The following HIC2 variants were observed in gnomAD, a reference collection of about 807,000 sequenced individuals.
HIC2 encodes HIC ZBTB transcriptional repressor 2.
In HIC2, 2 loss-of-function variants were observed where a neutral mutation model predicts 39.5. That is an observed-to-expected ratio of 0.05 (90% CI 0.02 to 0.16). The LOEUF (loss-of-function observed/expected upper bound fraction) is 0.16, where lower values mean the gene tolerates loss of function less well. HIC2 is among the 10% of genes least tolerant of loss of function. HIC2 has a pLI of 1.00. For synonymous variants in HIC2, 399 were observed against 368.8 expected (o/e 1.08, Z -0.94); for missense variants, 713 against 863.5 (o/e 0.83, Z 2.18).
Position 21,446,343 on chromosome 22 carries a change from G to A in HIC2, c.1448G>A (p.Gly483Asp). ...EEGAYETGSG[G>D]AEEEAEDLSA... ...GGGGCCTACGAGACAGGCAGTGGGG[G>A]TGCCGAGGAGGAGGCCGAGGACCTG... The change falls in exon 3 of 3, where the codon GGT becomes GAT. Residue 483 changes from glycine to aspartate, a missense_variant. Around this residue, in one of 5 missense-constraint regions of HIC2, gnomAD observed 103 missense variants for 103.4 expected, o/e 1.00. Transcript: ENST00000407464. 1 of 1,613,100 alleles carries A rather than the reference G, an allele frequency of 6.2e-7. No homozygotes were observed. Among genetic ancestry groups the A allele is most frequent in the South Asian group, 1.1e-5 (1 of 91,086 alleles).
rs567794862 is a variant in HIC2, at chr22:21,446,051, G to A, written c.1156G>A (p.Gly386Arg). ...GILASGAGPSGPYGEPPYPCK... is the reference protein window; with the variant it reads ...GILASGAGPSRPYGEPPYPCK... ...CCTGGCTAGTGGGGCTGGCCCTAGC[G>A]GGCCCTATGGGGAGCCCCCCTACCC... The change falls in exon 3 of 3, where the codon GGG (glycine) becomes AGG (arginine). Residue 386 changes from glycine to arginine, a missense_variant. Coordinates refer to ENST00000407464, the MANE Select transcript of HIC2 (RefSeq NM_015094.3). The A allele has an allele frequency of 1.1e-4, 176 of 1,603,636 alleles. 2 individuals are homozygous for A. The South Asian group carries it at 1.9e-3, about 17-fold the overall frequency.
Position 21,446,760 on chromosome 22 carries a change from G to A in HIC2, c.*17G>A. 4 of 1,582,266 alleles carry A rather than the reference G, an allele frequency of 2.5e-6. No homozygotes were observed. The highest frequency in any genetic ancestry group is 3.4e-6 in the Non-Finnish European group (4 of 1,160,834). On this transcript the variant is annotated 3_prime_UTR_variant, in exon 3 of 3. Transcript: ENST00000407464. ...CCCTCCTAGAAGCCAAAGACCCGCG[G>A]GCGCCCTCTGCCACCTTGCTCCCCG...
In HIC2 at chr22:21,432,748, A is replaced by G. The variant is rs561664031; in HGVS notation, c.-73-10011A>G. Reference sequence around the variant, plus strand: ...AAACATTATCAGGTTTTTATCTTTTAGATAGCAGAGATGAGTCTGCTCTTA... The same window carrying G: ...AAACATTATCAGGTTTTTATCTTTTGGATAGCAGAGATGAGTCTGCTCTTA... On this transcript the variant is annotated intron_variant, in intron 1 of 2. Transcript: ENST00000407464. Among the ~76,000 whole-genome samples the G allele has an allele frequency of 2.7e-3, 369 of 137,532 alleles. 5 individuals are homozygous for G. The highest frequency in any genetic ancestry group is 0.01 in the African/African-American group (353 of 35,216). The allele number at this position is 137,532 out of a possible 152,430, so 90.2% of individuals were successfully genotyped here.
rs201439546 is a variant in HIC2 at position 21,445,469 on chromosome 22, C to T, written c.574C>T (p.Pro192Ser). Reference sequence around the variant, plus strand: ...GGGGGCCCACGCCCCCCAGGAGCTCCCCCAAGCCAAAGGCTCAGACGATGA... The same window carrying T: ...GGGGGCCCACGCCCCCCAGGAGCTCTCCCAAGCCAAAGGCTCAGACGATGA... ...RKGAHAPQEL[P>S]QAKGSDDELF... is the part of the protein sequence containing the mutation. The change falls in exon 3 of 3, where the codon CCC becomes TCC. Residue 192 changes from proline (P) to serine (S), a missense_variant. Transcript: ENST00000407464. 956 of 1,552,698 alleles carry T rather than the reference C, an allele frequency of 6.2e-4. 5 individuals carry two copies. In the African/African-American group the frequency reaches 0.011, roughly 18 times the overall value.
chr22:21,445,754 C>A lies in HIC2; in HGVS notation c.859C>A (p.Pro287Thr). Residue 287 changes from proline to threonine, a missense_variant, in exon 3 of 3, where the codon CCT (proline) becomes ACT (threonine). This residue lies in a region of HIC2 where 457 missense variants were observed against 420.2 expected (regional missense o/e 1.09). Transcript: ENST00000407464. ...TGGCTCGCCCCCTGCGGCCTCTGCT[C>A]CTCCCGTTGCCAACAGTGCCTCTTA... ...QHGSPPAASA[P>T]PVANSASYSE... 1 of 1,610,162 alleles carries A rather than the reference C, an allele frequency of 6.2e-7. No homozygotes were observed.
Position 21,426,029 on chromosome 22 carries a change from TA to T in HIC2, c.-74+8472del, listed in dbSNP as rs1923233154. On this transcript the variant is annotated intron_variant, in intron 1 of 2. Coordinates refer to ENST00000407464, the MANE Select transcript of HIC2 (RefSeq NM_015094.3). Reference sequence around the variant, plus strand: ...CTGGTGTAATTTTGTCTAGTTTTAATAAAGTCTGGGTTTCGCCATGTTGGCC... The same window carrying T: ...CTGGTGTAATTTTGTCTAGTTTTAATAAGTCTGGGTTTCGCCATGTTGGCC... Among the ~76,000 whole-genome samples, 3 of 152,292 alleles carry T rather than the reference TA, an allele frequency of 2.0e-5. No homozygotes were observed. The South Asian group carries it at 6.2e-4, about 32-fold the overall frequency.
Position 21,445,994 on chromosome 22 carries a change from G to C in HIC2, c.1099G>C (p.Glu367Gln). Residue 367 changes from glutamate (E) to glutamine (Q), a missense_variant, in exon 3 of 3, where the codon GAG (glutamate) becomes CAG (glutamine). Coordinates refer to ENST00000407464, the MANE Select transcript of HIC2 (RefSeq NM_015094.3). ...PKGPCPGEEG[E>Q]GVGDRVPNGI... ...GGGTCCCTGCCCGGGAGAGGAGGGT[G>C]AGGGGGTCGGGGACAGGGTTCCCAA... 6.4e-7 allele frequency: 1 copy of C among 1,567,672 alleles called. No homozygotes were observed. Among genetic ancestry groups the C allele is most frequent in the African/African-American group, 1.4e-5 (1 of 73,764 alleles).
Position 21,449,368 on chromosome 22 carries a change from C to T in HIC2, c.*2625C>T, listed in dbSNP as rs1168193674. On this transcript the variant is annotated 3_prime_UTR_variant, in exon 3 of 3. Transcript: ENST00000407464. ...TTAATTCCTGAATGTTTCAGAGAAA[C>T]AGGAATCAGAAAATAGCAGATATCA... The T allele has an allele frequency of 6.6e-6, 1 of 151,282 alleles. No homozygotes were observed. Among genetic ancestry groups the T allele is most frequent in the Non-Finnish European group, 1.5e-5 (1 of 67,800 alleles). 9.4% of individuals were successfully genotyped at this position (151,282 alleles called of 1,614,324 possible).
In HIC2 at chr22:21,445,648, G is replaced by T. The variant is rs372582206; in HGVS notation, c.753G>T (p.Lys251Asn). Reference sequence around the variant, plus strand: ...AGGAGCTGGGCTTGGACCTGTCCAAGAAAAGCCCACCCTTGCCCCCTGCCA... The same window carrying T: ...AGGAGCTGGGCTTGGACCTGTCCAATAAAAGCCCACCCTTGCCCCCTGCCA... ...CEQELGLDLS[K>N]KSPPLPPATP... Residue 251 changes from lysine to asparagine, a missense_variant, in exon 3 of 3, where the codon AAG becomes AAT. Physicochemically the swap from Lys to Asn is moderately conservative, Grantham distance 94 (BLOSUM62 0). Around this residue, in one of 5 missense-constraint regions of HIC2, gnomAD observed 457 missense variants for 420.2 expected, o/e 1.09. Transcript: ENST00000407464. The T allele has an allele frequency of 5.4e-5, 87 of 1,599,992 alleles. No homozygotes were observed. The highest frequency in any genetic ancestry group is 6.5e-5 in the Non-Finnish European group (76 of 1,174,252).
At position 21,445,890 on chromosome 22, in the gene HIC2, A is replaced by T; in HGVS notation, c.995A>T (p.His332Leu). ...PGGQPRKSLR[H>L]STRKKEWGKK... ...GGGCAGCCTCGGAAGAGCCTCCGGC[A>T]CTCCACTCGGAAGAAGGAGTGGGGC... The change falls in exon 3 of 3, where the codon CAC becomes CTC. Residue 332 changes from histidine to leucine, a missense_variant. Coordinates refer to ENST00000407464, the MANE Select transcript of HIC2 (RefSeq NM_015094.3). The T allele has an allele frequency of 6.2e-7, 1 of 1,600,616 alleles. No homozygotes were observed. Among genetic ancestry groups the T allele is most frequent in the Non-Finnish European group, 8.5e-7 (1 of 1,174,668 alleles).
intron 2 of HIC2, 146 bp from the exon 3 acceptor site, chr22:21,444,776 A>T: frequency 2.5e-6 from 2 of 791,380 alleles, no homozygotes; most frequent in South Asian, 3.6e-5. Flanking sequence ...TTGTGGGCTT[A>T]TGTGCCGTGT....
rs1187008570 is a variant in HIC2, at chr22:21,445,443, A to C, written c.548A>C (p.Lys183Thr). 1.3e-6 allele frequency: 2 copies of C among 1,535,072 alleles called. No homozygotes were observed. The highest frequency in any genetic ancestry group is 2.8e-5 in the African/African-American group (2 of 72,192). The change falls in exon 3 of 3, where the codon AAG becomes ACG. Residue 183 changes from lysine (K) to threonine (T), a missense_variant. By Grantham distance (78) the Lys-to-Thr change is moderately conservative. Transcript: ENST00000407464. ...ARYQGLVDGR[K>T]GAHAPQELPQ... is the part of the protein sequence containing the mutation. ...TATCAGGGGCTCGTGGATGGGCGCA[A>C]GGGGGCCCACGCCCCCCAGGAGCTC...
At position 21,445,736 on chromosome 22, in the gene HIC2, C is replaced by T. The variant is rs773500693; in HGVS notation, c.841C>T (p.Pro281Ser). The T allele has an allele frequency of 9.9e-6, 16 of 1,611,752 alleles. No homozygotes were observed. The highest frequency in any genetic ancestry group is 3.3e-4 in the Middle Eastern group (2 of 6,078). ...AQLSDSQHGS[P>S]PAASAPPVAN... ...GCTGAGCGACAGCCAACATGGCTCG[C>T]CCCCTGCGGCCTCTGCTCCTCCCGT... is the stretch of plus-strand genomic sequence containing the variant. Residue 281 changes from proline to serine, a missense_variant, in exon 3 of 3, where the codon CCC (proline) becomes TCC (serine). Physicochemically the swap from Pro to Ser is moderately conservative, Grantham distance 74 (BLOSUM62 -1). Coordinates refer to ENST00000407464, the MANE Select transcript of HIC2 (RefSeq NM_015094.3).
rs770318061 is a variant in HIC2, at chr22:21,445,204, C to G, written c.309C>G (p.Gly103=). ...AGATCTTGGACTTCATCTACACAGGCAAGCTGCTGCCCAGCGACCAGCCAG... is the reference window on the plus strand; with the variant it reads ...AGATCTTGGACTTCATCTACACAGGGAAGCTGCTGCCCAGCGACCAGCCAG... ...FQQILDFIYT[G]KLLPSDQPAE... Residue 103 remains glycine (G), a synonymous_variant, in exon 3 of 3, where the codon GGC becomes GGG. Coordinates refer to ENST00000407464, the MANE Select transcript of HIC2 (RefSeq NM_015094.3). The G allele has an allele frequency of 1.9e-6, 3 of 1,613,986 alleles. No individual in the cohort carries two copies. The highest frequency in any genetic ancestry group is 2.5e-6 in the Non-Finnish European group (3 of 1,180,032).
At chr22:21,442,998 C>T in intron 2 of HIC2, 141 bp downstream of exon 2, 4 of 458,614 alleles carry the variant, frequency 8.7e-6, no homozygotes, top group Non-Finnish European at 3.8e-6. Flanking sequence ...TGGAGGGAGC[C>T]TGGAGGCCAC....
At chr22:21,443,093 A>G (rs1923606647) in intron 2 of HIC2, among the ~76,000 whole-genome samples, 1 of 152,016 alleles carries the variant, frequency 6.6e-6, no homozygotes, top group South Asian at 2.1e-4. Context: ...TCTGGGGGCT[A>G]GGTTACTGGG....
intron 2 of HIC2, among the ~76,000 whole-genome samples, chr22:21,444,481 A>T (rs1197500197): frequency 6.6e-6 from 1 of 152,220 alleles, no homozygotes; most frequent in East Asian, 1.9e-4. Context: ...GATTTTTGCC[A>T]GCTTTCAAGA....
rs1404328573 is a variant in HIC2 at position 21,450,309 on chromosome 22, C to A, written c.*3566C>A. ...TCGCAGCATAGCCATACACCTCAGC[C>A]TGTGAAATGAACGATCCGGACCCTC... On this transcript the variant is annotated 3_prime_UTR_variant, in exon 3 of 3. Coordinates refer to ENST00000407464, the MANE Select transcript of HIC2 (RefSeq NM_015094.3). 1 of 152,816 alleles carries A rather than the reference C, an allele frequency of 6.5e-6. No homozygotes were observed. The highest frequency in any genetic ancestry group is 2.1e-4 in the South Asian group (1 of 4,834). The allele number at this position is 152,816 out of a possible 1,614,324, so 9.5% of individuals were successfully genotyped here.
intron 1 of HIC2, among the ~76,000 whole-genome samples, chr22:21,426,456 C>G (rs1231670044): frequency 6.7e-6 from 1 of 149,284 alleles, no homozygotes; most frequent in Non-Finnish European, 1.5e-5. Context: ...AGCCACTGTG[C>G]CCAGCCTACA....
Sources: allele counts gnomAD v4.1 joint callset (sites outside exome capture counted in the v4.1 genomes callset), GRCh38; gene constraint gnomAD v4.1.1; regional missense constraint gnomAD v4.1.1; transcripts MANE v1.5; gene names NCBI Gene and HGNC (gene_info 2026-07-23, HGNC 2026-07-21).